The following ATP13A1 variants were observed in gnomAD, a reference collection of about 807,000 sequenced individuals.
ATP13A1 encodes the protein endoplasmic reticulum transmembrane helix translocase.
In ATP13A1, 55 loss-of-function variants were observed where a neutral mutation model predicts 134.8. The observed-to-expected ratio is 0.41, with a 90% CI of 0.33 to 0.51. ATP13A1 has a LOEUF of 0.51. Ranked by LOEUF, ATP13A1 falls within the 20% of genes least tolerant of loss-of-function variation. The pLI is 0.29. For synonymous variants in ATP13A1, 775 were observed against 725.1 expected, an observed-to-expected ratio of 1.07 and a Z score of -1.10; for missense variants, 1,389 against 1,652.8, an observed-to-expected ratio of 0.84 and a Z score of 2.77.
Position 19,653,771 on chromosome 19 carries a change from C to G in ATP13A1, c.2100+13G>C, listed in dbSNP as rs1351834059. On this transcript the variant is annotated intron_variant, in intron 15 of 25. Transcript: ENST00000357324. The surrounding 1 kb of genome is among the most constrained non-coding windows in gnomAD (Gnocchi z 4.2). The stretch of plus-strand genomic sequence containing the variant: ...AGGCACATGGTGAAGGCAGGGGGAG[C>G]CTGGGCCCGTACCTGCTGGTGAGTG... The G allele has an allele frequency of 1.3e-6, 2 of 1,542,704 alleles. No individual in the cohort carries two copies. The highest frequency in any genetic ancestry group is 3.9e-5 in the Admixed American group (2 of 50,884).
chr19:19,662,974 C>T, intron 1 of ATP13A1: 1 of 556,514 alleles, frequency 1.8e-6, no homozygotes. Flanking sequence ...CCTACCTGAC[C>T]TGGGCGACGT....
At chr19:19,662,392 T>C in intron 1 of ATP13A1, 1 of 980,912 alleles carries the variant, frequency 1.0e-6, no homozygotes, top group Non-Finnish European at 1.2e-6. Flanking sequence ...TCTGTAGCCC[T>C]TGATGCTGTT....
chr19:19,647,573 G>A lies in ATP13A1; in HGVS notation c.2793+26C>T. The A allele has an allele frequency of 6.2e-7, 1 of 1,612,996 alleles. No individual in the cohort carries two copies. The highest frequency in any genetic ancestry group is 8.5e-7 in the Non-Finnish European group (1 of 1,179,478). On this transcript the variant is annotated intron_variant, in intron 20 of 25. Transcript: ENST00000357324. This position sits in a 1 kb window ranked among gnomAD's most constrained non-coding sequence, Gnocchi z 4.8. ...CTGTCAGCCCTGGCCAGGATGGGGT[G>A]CAGCACCTCCCCTCTTGGGACTCAC...
intron 3 of ATP13A1, among the ~76,000 whole-genome samples, chr19:19,657,820 C>T (rs966446797): frequency 7.9e-5 from 12 of 152,100 alleles, no homozygotes; most frequent in Non-Finnish European, 1.3e-4. Context: ...CCCAGCCCCA[C>T]CAAAGCTGAG....
chr19:19,662,723 T>C (rs2062102174), intron 1 of ATP13A1, among the ~76,000 whole-genome samples: 1 of 152,220 alleles, frequency 6.6e-6, no homozygotes, highest in Admixed American at 6.5e-5. Flanking sequence ...TCTGCCTCTC[T>C]TCAACACTGT....
At position 19,649,825 on chromosome 19, in the gene ATP13A1, G is replaced by A; in HGVS notation, c.2451C>T (p.Ala817=). The change falls in exon 18 of 26, where the codon GCC becomes GCT. Residue 817 remains alanine, a synonymous_variant. Coordinates refer to ENST00000357324, the MANE Select transcript of ATP13A1 (RefSeq NM_020410.3). The stretch of plus-strand genomic sequence containing the variant: ...GCTGGGGGTCGGTGGCCTGCAGGTG[G>A]GCCAAGCCGTCGCCTGTGAGGCACA... ...YALCLTGDGL[A]HLQATDPQQL... The A allele has an allele frequency of 6.2e-7, 1 of 1,602,886 alleles. No individual in the cohort carries two copies. The highest frequency in any genetic ancestry group is 1.1e-5 in the South Asian group (1 of 90,878).
intron 12 of ATP13A1, among the ~76,000 whole-genome samples, 174 bp from the exon 13 acceptor site, chr19:19,654,874 C>CAG (rs942178326): frequency 2.0e-5 from 3 of 152,354 alleles, no homozygotes; most frequent in Non-Finnish European, 4.4e-5. Context: ...CCCCAGAAGC[C>CAG]AGGCATTGTG....
At position 19,645,613 on chromosome 19, in the gene ATP13A1, T is replaced by C; in HGVS notation, c.3504+34A>G. 1 of 1,561,350 alleles carries C rather than the reference T, an allele frequency of 6.4e-7. No individual in the cohort carries two copies. The highest frequency in any genetic ancestry group is 8.7e-7 in the Non-Finnish European group (1 of 1,152,808). On this transcript the variant is annotated intron_variant, in intron 25 of 25. Transcript: ENST00000357324. This position sits in a 1 kb window ranked among gnomAD's most constrained non-coding sequence, Gnocchi z 4.1. ...CTGCCATAGGAGGGACCCATCAAGC[T>C]GAGCCCCAGGGTCACCTCCACAGGG...
rs1188299565 is a variant in ATP13A1, at chr19:19,654,609, C to T, written c.1747G>A (p.Gly583Ser). ...SCHSLMQLDD[G>S]TLVGDPLEKA... ...TCTAGAGGGTCACCCACGAGGGTGCCGTCGTCCAGCTGCATGAGCGAGTGG... is the reference window on the plus strand; with the variant it reads ...TCTAGAGGGTCACCCACGAGGGTGCTGTCGTCCAGCTGCATGAGCGAGTGG... Residue 583 changes from glycine (G) to serine (S), a missense_variant, in exon 13 of 26, where the codon GGC becomes AGC. By Grantham distance (56) the Gly-to-Ser change is moderately conservative (BLOSUM62 0). Coordinates refer to ENST00000357324, the MANE Select transcript of ATP13A1 (RefSeq NM_020410.3). The T allele has an allele frequency of 1.9e-6, 3 of 1,613,352 alleles. No individual in the cohort carries two copies. The highest frequency in any genetic ancestry group is 2.5e-6 in the Non-Finnish European group (3 of 1,179,858).
In ATP13A1 at chr19:19,647,210, C is replaced by A. The variant is rs150557465; in HGVS notation, c.3024G>T (p.Glu1008Asp). 6 of 1,613,868 alleles carry A rather than the reference C, an allele frequency of 3.7e-6. No homozygotes were observed. The African/African-American group carries it at 8.0e-5, about 22-fold the overall frequency. ...CCTGGAAGTCACTGAACTTGACTCC[C>A]TCCAGGTAGAGGACGCTCTGGCTGT... The part of the protein sequence containing the change: ...LAYSQSVLYL[E>D]GVKFSDFQAT... The change falls in exon 22 of 26, where the codon GAG (glutamate) becomes GAT (aspartate). Residue 1008 changes from glutamate (E) to aspartate (D), a missense_variant. Around this residue, in one of 4 missense-constraint regions of ATP13A1, gnomAD observed 228 missense variants for 321.0 expected, o/e 0.71. Coordinates refer to ENST00000357324, the MANE Select transcript of ATP13A1 (RefSeq NM_020410.3). The surrounding 1 kb of genome is among the most constrained non-coding windows in gnomAD (Gnocchi z 4.8).
Position 19,645,761 on chromosome 19 carries a change from C to T in ATP13A1, c.3390G>A (p.Glu1130=), listed in dbSNP as rs777945204. The T allele has an allele frequency of 4.8e-5, 76 of 1,572,194 alleles. No homozygotes were observed. Among genetic ancestry groups the T allele is most frequent in the African/African-American group, 1.1e-4 (8 of 73,106 alleles). The change falls in exon 25 of 26, where the codon GAG becomes GAA. Residue 1130 remains glutamate (E), a synonymous_variant. Transcript: ENST00000357324. The surrounding 1 kb of genome is among the most constrained non-coding windows in gnomAD (Gnocchi z 4.1). ...CCAGACTCCACACCAGGGGCTTGTT[C>T]TCGGGCAGGCTCTCCATGAAGGGCG... ...KGPPFMESLP[E]NKPLVWSLAV...
Position 19,655,685 on chromosome 19 carries a change from G to T in ATP13A1, c.1270-31C>A. ...GGAATGGAGGAACAGCCTTTCTGCT[G>T]TCTGGACTCCCTCCAGCAGCTCAGG... On this transcript the variant is annotated intron_variant, in intron 9 of 25. Coordinates refer to ENST00000357324, the MANE Select transcript of ATP13A1 (RefSeq NM_020410.3). The surrounding 1 kb of genome is among the most constrained non-coding windows in gnomAD (Gnocchi z 5.7). 1 of 1,603,658 alleles carries T rather than the reference G, an allele frequency of 6.2e-7. No individual in the cohort carries two copies. The highest frequency in any genetic ancestry group is 8.5e-7 in the Non-Finnish European group (1 of 1,175,284).
At position 19,657,132 on chromosome 19, in the gene ATP13A1, G is replaced by A; in HGVS notation, c.768C>T (p.Leu256=). 6.6e-7 allele frequency: 1 copy of A among 1,511,844 alleles called. No homozygotes were observed. The highest frequency in any genetic ancestry group is 1.3e-5 in the South Asian group (1 of 74,262). 93.7% of individuals were successfully genotyped at this position (1,511,844 alleles called of 1,614,324 possible). The change falls in exon 5 of 26, where the codon CTC becomes CTT. Residue 256 remains leucine (L), a synonymous_variant. Coordinates refer to ENST00000357324, the MANE Select transcript of ATP13A1 (RefSeq NM_020410.3). ...FFVFQVFCVG[L]WCLDEYWYYS... ...AGTACCAGTACTCATCCAGGCACCA[G>A]AGCCCCACACAGAACACCTGTGGGA...
rs1414857384 is a variant in ATP13A1 at position 19,645,772 on chromosome 19, T to C, written c.3379A>G (p.Ser1127Gly). The C allele has an allele frequency of 6.5e-7, 1 of 1,529,644 alleles. No individual in the cohort carries two copies. The highest frequency in any genetic ancestry group is 1.8e-5 in the Admixed American group (1 of 56,556). 94.8% of individuals were successfully genotyped at this position (1,529,644 alleles called of 1,614,324 possible). Residue 1127 changes from serine to glycine, a missense_variant, in exon 25 of 26, where the codon AGC becomes GGC. Around this residue, in one of 4 missense-constraint regions of ATP13A1, gnomAD observed 228 missense variants for 321.0 expected, o/e 0.71. Coordinates refer to ENST00000357324, the MANE Select transcript of ATP13A1 (RefSeq NM_020410.3). The surrounding 1 kb of genome is among the most constrained non-coding windows in gnomAD (Gnocchi z 4.1). ...ACCAGGGGCTTGTTCTCGGGCAGGC[T>C]CTCCATGAAGGGCGGGCCCTGTGGG... The part of the protein sequence containing the change: ...INYKGPPFME[S>G]LPENKPLVWS...
chr19:19,652,171 C>G (rs2062028508), intron 16 of ATP13A1, among the ~76,000 whole-genome samples: 1 of 152,062 alleles, frequency 6.6e-6, no homozygotes, highest in Non-Finnish European at 1.5e-5. Context: ...TGACCCAGAG[C>G]CATCATCCTC....
chr19:19,655,377 A>G lies in ATP13A1; in HGVS notation c.1473T>C (p.Pro491=). 1 of 1,613,934 alleles carries G rather than the reference A, an allele frequency of 6.2e-7. No homozygotes were observed. The highest frequency in any genetic ancestry group is 8.5e-7 in the Non-Finnish European group (1 of 1,179,840). The change falls in exon 11 of 26, where the codon CCT becomes CCC. Residue 491 remains proline (P), a synonymous_variant. Coordinates refer to ENST00000357324, the MANE Select transcript of ATP13A1 (RefSeq NM_020410.3). This position sits in a 1 kb window ranked among gnomAD's most constrained non-coding sequence, Gnocchi z 5.7. ...CTLILTSVVP[P]ELPIELSLAV... is the part of the protein sequence containing the mutation. ...CCAGGGACAGCTCGATGGGCAGCTCAGGAGGCACGACCGAGGTGAGGATCA... is the reference window on the plus strand; with the variant it reads ...CCAGGGACAGCTCGATGGGCAGCTCGGGAGGCACGACCGAGGTGAGGATCA...
At chr19:19,652,571 G>A (rs767555324) in intron 16 of ATP13A1, 24 bp downstream of exon 16, 35 of 1,601,110 alleles carry the variant, frequency 2.2e-5, no homozygotes, top group Non-Finnish European at 2.8e-5. Flanking sequence ...CATGCAGAGG[G>A]TGGAGCCGAG....
rs780245581 is a variant in ATP13A1, at chr19:19,645,972, C to T, written c.3262G>A (p.Val1088Met). Reference protein sequence around the residue: ...ARSPEKQEQFVDLYKEFEPSL... With the variant: ...ARSPEKQEQFMDLYKEFEPSL... ...GGCTCAAACTCCTTGTACAAGTCCA[C>T]GAACTGCTCCTGCCTGCAAGGACAC... is the stretch of plus-strand genomic sequence containing the variant. The change falls in exon 24 of 26, where the codon GTG (valine) becomes ATG (methionine). Residue 1088 changes from valine (V) to methionine (M), a missense_variant. By Grantham distance (21) the Val-to-Met change is conservative. Transcript: ENST00000357324. The surrounding 1 kb of genome is among the most constrained non-coding windows in gnomAD (Gnocchi z 4.1). 6.8e-6 allele frequency: 11 copies of T among 1,612,072 alleles called. No individual in the cohort carries two copies. Among genetic ancestry groups the T allele is most frequent in the African/African-American group, 5.3e-5 (4 of 74,942 alleles).
rs560741336 is a variant in ATP13A1, at chr19:19,653,066, G to C, written c.2101-346C>G. 1 of 276,230 alleles carries C rather than the reference G, an allele frequency of 3.6e-6. No individual in the cohort carries two copies. Among genetic ancestry groups the C allele is most frequent in the Non-Finnish European group, 7.0e-6 (1 of 142,940 alleles). The allele number at this position is 276,230 out of a possible 1,614,324, so 17.1% of individuals were successfully genotyped here. The stretch of plus-strand genomic sequence containing the variant: ...GTTTAGCCAGGAACTCTTACTCACT[G>C]GGGCTCCACCACATACCACAGACTG... On this transcript the variant is annotated intron_variant, in intron 15 of 25. Coordinates refer to ENST00000357324, the MANE Select transcript of ATP13A1 (RefSeq NM_020410.3). This position sits in a 1 kb window ranked among gnomAD's most constrained non-coding sequence, Gnocchi z 4.2.
Sources: allele counts gnomAD v4.1 joint callset (sites outside exome capture counted in the v4.1 genomes callset), GRCh38; gene constraint gnomAD v4.1.1; regional missense constraint gnomAD v4.1.1; non-coding constraint Gnocchi (gnomAD v3.1); transcripts MANE v1.5; gene names NCBI Gene and HGNC (gene_info 2026-07-23, HGNC 2026-07-21).